Variants in SLC22A2 observed in about 807,000 individuals in gnomAD.
SLC22A2 encodes solute carrier family 22 member 2.
In SLC22A2, 46 loss-of-function variants were observed where a neutral mutation model predicts 60.5. That is an observed-to-expected ratio of 0.76 (90% CI 0.60 to 0.97). SLC22A2 has a LOEUF of 0.97. Among genes scored for constraint, SLC22A2 ranks in the 50% least tolerant of loss-of-function variants. SLC22A2 has a pLI of 0.00. For missense variants in SLC22A2, 701 were observed against 706.6 expected, an observed-to-expected ratio of 0.99 and a Z score of 0.09; for synonymous variants, 303 against 267.0, an observed-to-expected ratio of 1.13 and a Z score of -1.31.
At chr6:160,257,840 G>T (rs1742511178) in intron 1 of SLC22A2, 1 of 152,794 alleles carries the variant, frequency 6.5e-6, no homozygotes, top group African/African-American at 2.4e-5. Flanking sequence ...GCCATAGCAT[G>T]ATCTCCAGCC....
intron 9 of SLC22A2, among the ~76,000 whole-genome samples, chr6:160,234,184 C>T (rs1017416282): frequency 6.6e-6 from 1 of 152,114 alleles, no homozygotes; most frequent in African/African-American, 2.4e-5. Context: ...TACCTACCCA[C>T]ATCCTATAAA....
chr6:160,218,278 C>G (rs559139569), intron 10 of SLC22A2: 7 of 183,964 alleles, frequency 3.8e-5, no homozygotes, highest in South Asian at 3.5e-4. Context: ...CTCCTCTGGT[C>G]TCTCTGCCAA....
chr6:160,253,818 A>AT (rs1208295675), intron 2 of SLC22A2, among the ~76,000 whole-genome samples: 1 of 152,152 alleles, frequency 6.6e-6, no homozygotes, highest in Non-Finnish European at 1.5e-5. Context: ...ATGCTGTGTA[A>AT]TGGTGCACAC....
chr6:160,219,969 C>T (rs2114847678), intron 10 of SLC22A2, among the ~76,000 whole-genome samples: 1 of 152,322 alleles, frequency 6.6e-6, no homozygotes, highest in East Asian at 1.9e-4. Context: ...GCTGACTGAG[C>T]AAGACAGTGG....
chr6:160,220,297 G>C (rs1041970731), intron 10 of SLC22A2, among the ~76,000 whole-genome samples: 3 of 152,214 alleles, frequency 2.0e-5, no homozygotes, highest in East Asian at 3.8e-4. Context: ...CTCCTCATCT[G>C]TTCAAGTTTT....
intron 3 of SLC22A2, 24 bp downstream of exon 3, chr6:160,250,524 A>T (rs200726869): frequency 6.2e-7 from 1 of 1,613,574 alleles, no homozygotes; most frequent in East Asian, 2.2e-5. Context: ...TTGTTCTCAC[A>T]GTTGCAAGCA....
intron 8 of SLC22A2, 65 bp from the exon 9 acceptor site, chr6:160,241,651 C>T (rs1783005188): frequency 2.0e-6 from 2 of 994,924 alleles, no homozygotes; most frequent in Non-Finnish European, 3.2e-6. Flanking sequence ...CTCCCATCCA[C>T]CCCTGAATAA....
rs1783108397 is a variant in SLC22A2, at chr6:160,247,185, T to C, written c.956A>G (p.Gln319Arg). The stretch of plus-strand genomic sequence containing the variant: ...TTGATACTTAAGGCCCTGGCTCACC[T>C]GAAGGGAGGCGGGTAGAGATTTTCC... ...KNGKSLPASLQRLRLEEETGK... is the reference protein window; with the variant it reads ...KNGKSLPASLRRLRLEEETGK... The change falls in exon 5 of 11, where the codon CAG (glutamine) becomes CGG (arginine). Residue 319 changes from glutamine to arginine, a missense_variant and splice_region_variant. Gln to Arg is a conservative substitution (Grantham distance 43). Coordinates refer to ENST00000366953, the MANE Select transcript of SLC22A2 (RefSeq NM_003058.4). 1 of 1,574,452 alleles carries C rather than the reference T, an allele frequency of 6.4e-7. No individual in the cohort carries two copies. The highest frequency in any genetic ancestry group is 8.7e-7 in the Non-Finnish European group (1 of 1,144,054).
At chr6:160,247,110 A>ATG (rs1180900182) in intron 5 of SLC22A2, 74 bp downstream of exon 5, 2 of 877,244 alleles carry the variant, frequency 2.3e-6, no homozygotes, top group Non-Finnish European at 3.8e-6. Flanking sequence ...TGCTGAGATC[A>ATG]CTGGCATGCA....
chr6:160,225,535 C>G (rs1782709225), intron 9 of SLC22A2, among the ~76,000 whole-genome samples: 1 of 152,132 alleles, frequency 6.6e-6, no homozygotes, highest in Non-Finnish European at 1.5e-5. Context: ...CTGCAGGGCA[C>G]AGATCCCAAG....
chr6:160,237,381 A>G (rs1192892734), intron 9 of SLC22A2, among the ~76,000 whole-genome samples: 1 of 152,132 alleles, frequency 6.6e-6, no homozygotes, highest in Non-Finnish European at 1.5e-5. Context: ...TTGTGTAGGA[A>G]TACACAAAGG....
intron 9 of SLC22A2, among the ~76,000 whole-genome samples, chr6:160,234,230 T>C (rs1782874613): frequency 6.6e-6 from 1 of 152,178 alleles, no homozygotes; most frequent in African/African-American, 2.4e-5. Flanking sequence ...TGACTCTCTT[T>C]TCGGACTCAG....
chr6:160,235,993 T>C (rs1010310724), intron 9 of SLC22A2, among the ~76,000 whole-genome samples: 3 of 152,328 alleles, frequency 2.0e-5, no homozygotes, highest in African/African-American at 7.2e-5. Context: ...ACATTATCAG[T>C]AATAATTATA....
intron 9 of SLC22A2, among the ~76,000 whole-genome samples, chr6:160,231,124 C>T (rs532502877): frequency 2.0e-5 from 3 of 152,016 alleles, no homozygotes; most frequent in East Asian, 1.9e-4. Context: ...TCCCTTGCCT[C>T]CATAACTGTT....
At chr6:160,242,503 A>G (rs987169427) in intron 7 of SLC22A2, 101 bp from the exon 8 acceptor site, 3 of 743,096 alleles carry the variant, frequency 4.0e-6, no homozygotes, top group Non-Finnish European at 7.4e-6. Context: ...CCATCCCAGA[A>G]TGGGACAAGA....
In SLC22A2 at chr6:160,258,606, C is replaced by A; in HGVS notation, c.152G>T (p.Cys51Phe). The change falls in exon 1 of 11, where the codon TGC (cysteine) becomes TTC (phenylalanine). Residue 51 changes from cysteine (C) to phenylalanine (F), a missense_variant. Physicochemically the swap from Cys to Phe is radical, Grantham distance 205 (BLOSUM62 -2). Transcript: ENST00000366953. Reference protein sequence around the residue: ...VFLGFTPDHRCRSPGVAELSL... With the variant: ...VFLGFTPDHRFRSPGVAELSL... ...CAGCTCGGCCACTCCGGGGCTCCGGCAGCGGTGGTCAGGGGTGAAGCCCAG... is the reference window on the plus strand; with the variant it reads ...CAGCTCGGCCACTCCGGGGCTCCGGAAGCGGTGGTCAGGGGTGAAGCCCAG... The A allele has an allele frequency of 6.2e-7, 1 of 1,613,956 alleles. No homozygotes were observed.
At position 160,254,075 on chromosome 6, in the gene SLC22A2, C is replaced by T. The variant is rs141272352; in HGVS notation, c.518+2539G>A. Among the ~76,000 whole-genome samples, 122 of 152,180 alleles carry T rather than the reference C, an allele frequency of 8.0e-4. 2 individuals are homozygous for T. The East Asian group carries it at 0.019, about 23-fold the overall frequency. ...GGCAGATCACCTAAGGTCAGTAGTTCGAGATCAACCTGGCCAACATGGTGA... is the reference window on the plus strand; with the variant it reads ...GGCAGATCACCTAAGGTCAGTAGTTTGAGATCAACCTGGCCAACATGGTGA... On this transcript the variant is annotated intron_variant, in intron 2 of 10. Transcript: ENST00000366953.
intron 9 of SLC22A2, among the ~76,000 whole-genome samples, chr6:160,226,028 T>C (rs1257855587): frequency 1.3e-5 from 2 of 152,202 alleles, no homozygotes; most frequent in Non-Finnish European, 2.9e-5. Flanking sequence ...TAAGAAATTA[T>C]GGTTTAGGAG....
chr6:160,220,069 T>C (rs1562429108), intron 10 of SLC22A2, among the ~76,000 whole-genome samples: 2 of 152,204 alleles, frequency 1.3e-5, no homozygotes, highest in Non-Finnish European at 2.9e-5. Context: ...ATGAAAGATT[T>C]CTCTATAGCA....
Sources: gnomAD v4.1 joint callset for allele counts (sites outside exome capture counted in the v4.1 genomes callset) on GRCh38, gnomAD v4.1.1 for gene constraint, MANE v1.5 for transcripts, NCBI Gene and HGNC (gene_info 2026-07-23, HGNC 2026-07-21) for gene names.